MTR: variants seen among roughly 807,000 people sequenced by gnomAD.
The protein encoded by MTR is 5-methyltetrahydrofolate-homocysteine methyltransferase, also known as methionine synthase.
In MTR, 84 loss-of-function variants were observed where a neutral mutation model predicts 154.8. The ratio of observed to expected loss-of-function variants is 0.54; its 90% CI spans 0.45 to 0.65. The LOEUF is 0.65. MTR is among the 30% of genes least tolerant of loss of function. The pLI is 0.00. For synonymous variants in MTR, 554 were observed against 553.9 expected, an observed-to-expected ratio of 1.00 and a Z score of 0.00; for missense variants, 1,275 against 1,570.2, an observed-to-expected ratio of 0.81 and a Z score of 3.18.
rs764391090 is a variant in MTR at position 236,863,558 on chromosome 1, A to G, written c.2405+4A>G. On this transcript the variant is annotated splice_donor_region_variant and intron_variant, in intron 22 of 32. Transcript: ENST00000366577. Reference sequence around the variant, plus strand: ...TCCTTGGCTGCAATAATTTCCGGTAAGTTAGGACCTCACCTCTTTCAACCC... The same window carrying G: ...TCCTTGGCTGCAATAATTTCCGGTAGGTTAGGACCTCACCTCTTTCAACCC... The G allele has an allele frequency of 6.2e-7, 1 of 1,612,026 alleles. No homozygotes were observed. Among genetic ancestry groups the G allele is most frequent in the South Asian group, 1.1e-5 (1 of 91,018 alleles).
At chr1:236,892,277 G>GC (rs1666370281) in intron 29 of MTR, among the ~76,000 whole-genome samples, 1 of 152,048 alleles carries the variant, frequency 6.6e-6, no homozygotes, top group Non-Finnish European at 1.5e-5. Context: ...TTTGAGACTA[G>GC]CCCCGGCAAG....
chr1:236,862,382 T>C, intron 21 of MTR, 39 bp downstream of exon 21: 1 of 1,553,228 alleles, frequency 6.4e-7, no homozygotes, highest in Non-Finnish European at 8.9e-7. Context: ...CTTTAGTGGG[T>C]TGACCTGGAA....
intron 22 of MTR, among the ~76,000 whole-genome samples, chr1:236,872,554 A>G (rs1474630647): frequency 6.6e-6 from 1 of 152,054 alleles, no homozygotes; most frequent in East Asian, 1.9e-4. Context: ...TGGATTTTGG[A>G]GTGAGATACT....
intron 2 of MTR, among the ~76,000 whole-genome samples, chr1:236,804,870 TG>T (rs760018453): frequency 6.6e-6 from 1 of 152,296 alleles, no homozygotes; most frequent in East Asian, 1.9e-4. Flanking sequence ...ACTCTGTGTA[TG>T]TTTTTTTAAT....
At chr1:236,863,613 A>G (rs540243694) in intron 22 of MTR, 59 bp downstream of exon 22, 14 of 1,442,760 alleles carry the variant, frequency 9.7e-6, no homozygotes, top group Non-Finnish European at 1.4e-5. Flanking sequence ...AAGCCTTTTA[A>G]CAGAATAATT....
chr1:236,894,297 G>A (rs1318421171), intron 29 of MTR, 60 bp from the exon 30 acceptor site: 7 of 1,530,010 alleles, frequency 4.6e-6, no homozygotes, highest in African/African-American at 4.1e-5. Flanking sequence ...TTCATGGTGT[G>A]CTGGCGCCAC....
chr1:236,814,154 A>G (rs578255835), intron 6 of MTR, among the ~76,000 whole-genome samples: 1 of 152,340 alleles, frequency 6.6e-6, no homozygotes, highest in East Asian at 1.9e-4. Flanking sequence ...CTGAAGCTAG[A>G]TGACCACCCT....
Position 236,824,208 on chromosome 1 carries a change from A to T in MTR, c.854A>T (p.Tyr285Phe). 6.2e-7 allele frequency: 1 copy of T among 1,613,398 alleles called. No individual in the cohort carries two copies. Among genetic ancestry groups the T allele is most frequent in the Non-Finnish European group, 8.5e-7 (1 of 1,179,310 alleles). The part of the protein sequence containing the change: ...GKCTTAYVLC[Y>F]PNAGLPNTFG... ...TGTACAACAGCCTATGTCCTCTGTT[A>T]TCCCAATGCAGGTGTGTGTTTCAAG... Residue 285 changes from tyrosine to phenylalanine, a missense_variant, in exon 9 of 33, where the codon TAT (tyrosine) becomes TTT (phenylalanine). Transcript: ENST00000366577.
chr1:236,893,404 A>G (rs903592465), intron 29 of MTR, among the ~76,000 whole-genome samples: 1 of 152,136 alleles, frequency 6.6e-6, no homozygotes, highest in African/African-American at 2.4e-5. Context: ...GCAGTACCAT[A>G]TATGTAGACG....
At chr1:236,891,662 C>G (rs1452247902) in intron 29 of MTR, among the ~76,000 whole-genome samples, 1 of 152,170 alleles carries the variant, frequency 6.6e-6, no homozygotes, top group South Asian at 2.1e-4. Context: ...AGAACACTCA[C>G]TTGTTCAAAA....
At chr1:236,845,544 G>A (rs1663518585) in intron 15 of MTR, among the ~76,000 whole-genome samples, 1 of 152,076 alleles carries the variant, frequency 6.6e-6, no homozygotes, top group South Asian at 2.1e-4. Context: ...CTTATTTCTG[G>A]GAAATTATTC....
intron 18 of MTR, among the ~76,000 whole-genome samples, chr1:236,856,967 C>A (rs918723836): frequency 5.3e-5 from 8 of 152,298 alleles, no homozygotes; most frequent in African/African-American, 1.9e-4. Context: ...GTCTTTGCTA[C>A]TGTGAACAGT....
At chr1:236,859,783 T>A in intron 18 of MTR, 50 bp from the exon 19 acceptor site, 1 of 1,417,748 alleles carries the variant, frequency 7.1e-7, no homozygotes, top group Admixed American at 1.7e-5. Flanking sequence ...CATCAAACAG[T>A]TTGGTTAGTG....
At chr1:236,825,143 T>TC (rs1213635450) in intron 9 of MTR, among the ~76,000 whole-genome samples, 195 bp from the exon 10 acceptor site, 1 of 149,906 alleles carries the variant, frequency 6.7e-6, no homozygotes, top group East Asian at 1.9e-4. Flanking sequence ...CTCTGTGATT[T>TC]TTTTTTTTTT....
intron 12 of MTR, 132 bp downstream of exon 12, chr1:236,829,400 T>G: frequency 3.7e-6 from 3 of 809,644 alleles, no homozygotes; most frequent in Non-Finnish European, 6.5e-6. Flanking sequence ...TTCTTGGCGC[T>G]TAAATGAATT....
chr1:236,853,814 G>A (rs975438307), intron 18 of MTR, among the ~76,000 whole-genome samples: 2 of 152,162 alleles, frequency 1.3e-5, no homozygotes, highest in African/African-American at 4.8e-5. Flanking sequence ...TAAAAAATGA[G>A]TATAATTATA....
chr1:236,845,064 AC>A (rs111494442), intron 15 of MTR, among the ~76,000 whole-genome samples: 11,778 of 152,158 alleles, frequency 0.077, 906 homozygotes, highest in African/African-American at 0.2. Flanking sequence ...CTTCAGAGTG[AC>A]CACCGAGGTG....
intron 9 of MTR, 49 bp downstream of exon 9, chr1:236,824,268 A>G: frequency 1.4e-6 from 2 of 1,414,876 alleles, no homozygotes; most frequent in South Asian, 1.1e-5. Flanking sequence ...ATAACATAAG[A>G]CATGGCATAG....
At chr1:236,856,067 T>A (rs2103269449) in intron 18 of MTR, among the ~76,000 whole-genome samples, 1 of 152,344 alleles carries the variant, frequency 6.6e-6, no homozygotes, top group East Asian at 1.9e-4. Flanking sequence ...AACACTTCAG[T>A]GAATTCTTTA....
Sources: allele counts gnomAD v4.1 joint callset (sites outside exome capture counted in the v4.1 genomes callset), GRCh38; gene constraint gnomAD v4.1.1; transcripts MANE v1.5; gene names NCBI Gene and HGNC (gene_info 2026-07-23, HGNC 2026-07-21).